The following PAK2 variants were observed in gnomAD, a reference collection of about 807,000 sequenced individuals.
PAK2 encodes the protein serine/threonine-protein kinase PAK 2.
In PAK2, 21 loss-of-function variants were observed where a neutral mutation model predicts 65.9. That is an observed-to-expected ratio of 0.32 (90% confidence interval 0.23 to 0.46). The LOEUF (loss-of-function observed/expected upper bound fraction) is 0.46. PAK2 is among the 20% of genes least tolerant of loss of function. The probability of loss-of-function intolerance (pLI) is 1.00; values close to 1 mark genes in which losing one functional copy is unlikely to be tolerated. For synonymous variants in PAK2, 204 were observed against 219.7 expected (o/e 0.93, Z 0.63); for missense variants, 324 against 642.6 (o/e 0.50, Z 5.36).
At position 196,748,427 on chromosome 3, in the gene PAK2, C is replaced by T. The variant is rs1230124846; in HGVS notation, c.-22+8270C>T. Among the ~76,000 whole-genome samples, 3 of 152,170 alleles carry T rather than the reference C, an allele frequency of 2.0e-5. No individual in the cohort carries two copies. The East Asian group carries it at 5.8e-4, about 29-fold the overall frequency. On this transcript the variant is annotated intron_variant, in intron 1 of 14. Transcript: ENST00000327134. Reference sequence around the variant, plus strand: ...TTGACAAATGTATAACAACATGTCTCCACCAGTATCATACCGACTGGTTTC... The same window carrying T: ...TTGACAAATGTATAACAACATGTCTTCACCAGTATCATACCGACTGGTTTC...
At chr3:196,788,197 C>T (rs1278999472) in intron 2 of PAK2, among the ~76,000 whole-genome samples, 1 of 152,198 alleles carries the variant, frequency 6.6e-6, no homozygotes, top group Non-Finnish European at 1.5e-5. Flanking sequence ...TCAGTATGTG[C>T]TCAGTACATC....
chr3:196,777,253 G>T (rs564744057), intron 1 of PAK2, among the ~76,000 whole-genome samples: 1 of 152,098 alleles, frequency 6.6e-6, no homozygotes, highest in Non-Finnish European at 1.5e-5. Context: ...ACCCAGGCTG[G>T]AGTGCAGTGG....
chr3:196,788,332 A>G (rs757016090), intron 2 of PAK2, among the ~76,000 whole-genome samples: 9 of 152,162 alleles, frequency 5.9e-5, no homozygotes, highest in African/African-American at 1.9e-4. Context: ...ATTTTATTCC[A>G]CTAAAAAATT....
At chr3:196,770,943 T>C (rs1004717713) in intron 1 of PAK2, among the ~76,000 whole-genome samples, 2 of 151,990 alleles carry the variant, frequency 1.3e-5, no homozygotes, top group African/African-American at 4.8e-5. Context: ...ATATATAGTC[T>C]TTAAATCTCC....
intron 1 of PAK2, among the ~76,000 whole-genome samples, chr3:196,770,893 G>T (rs1427550943): frequency 6.6e-6 from 1 of 151,954 alleles, no homozygotes; most frequent in Admixed American, 6.6e-5. Flanking sequence ...AAAGTGCTGG[G>T]ATTACAGGCA....
chr3:196,792,508 A>G (rs1483614271), intron 2 of PAK2, among the ~76,000 whole-genome samples: 1 of 152,154 alleles, frequency 6.6e-6, no homozygotes, highest in Non-Finnish European at 1.5e-5. Flanking sequence ...CACTGTGACC[A>G]GATCTCTTTT....
intron 1 of PAK2, among the ~76,000 whole-genome samples, chr3:196,757,619 C>T (rs1399897530): frequency 2.6e-5 from 4 of 151,966 alleles, no homozygotes; most frequent in Non-Finnish European, 5.9e-5. Context: ...CTCAAATTTC[C>T]AGGCGCTTCC....
intron 13 of PAK2, among the ~76,000 whole-genome samples, chr3:196,824,444 A>G (rs565170670): frequency 5.9e-5 from 9 of 152,218 alleles, no homozygotes; most frequent in African/African-American, 9.6e-5. Flanking sequence ...CATTAAAACA[A>G]TCTCACGACT....
chr3:196,824,799 A>G (rs1055615219), intron 13 of PAK2, among the ~76,000 whole-genome samples: 3 of 151,804 alleles, frequency 2.0e-5, no homozygotes, highest in Non-Finnish European at 4.4e-5. Flanking sequence ...TGGGCAACAT[A>G]TCGAGAATGC....
At chr3:196,789,809 A>C (rs1012375449) in intron 2 of PAK2, among the ~76,000 whole-genome samples, 1 of 152,168 alleles carries the variant, frequency 6.6e-6, no homozygotes, top group Admixed American at 6.5e-5. Flanking sequence ...TGGTTTCGGT[A>C]TGAAACTCTT....
At chr3:196,817,042 T>C (rs1271436002) in intron 11 of PAK2, among the ~76,000 whole-genome samples, 1 of 152,096 alleles carries the variant, frequency 6.6e-6, no homozygotes, top group African/African-American at 2.4e-5. Flanking sequence ...GAGTATCTCA[T>C]GTTCAAATGG....
Position 196,756,374 on chromosome 3 carries a change from C to T in PAK2, c.-22+16217C>T, listed in dbSNP as rs1390178700. On this transcript the variant is annotated intron_variant, in intron 1 of 14. Coordinates refer to ENST00000327134, the MANE Select transcript of PAK2 (RefSeq NM_002577.4). ...TCTGGGTTTTTTTTGCCTAATTACT[C>T]TCATCTAAACAGGAGCTCCGGGTCC... Among the ~76,000 whole-genome samples, 4 of 152,226 alleles carry T rather than the reference C, an allele frequency of 2.6e-5. No individual in the cohort carries two copies. In the East Asian group the frequency reaches 5.8e-4, roughly 22 times the overall value.
chr3:196,809,889 T>C (rs1467714096), intron 7 of PAK2, among the ~76,000 whole-genome samples: 1 of 152,078 alleles, frequency 6.6e-6, no homozygotes, highest in African/African-American at 2.4e-5. Context: ...GTGGTTTTTC[T>C]TACTAGTAAT....
chr3:196,818,452 C>T (rs778295053), intron 12 of PAK2, among the ~76,000 whole-genome samples: 3 of 152,210 alleles, frequency 2.0e-5, no homozygotes, highest in East Asian at 1.9e-4. Flanking sequence ...GTGCAACCTC[C>T]GCCTCCTGGG....
chr3:196,754,611 C>G (rs914711377), intron 1 of PAK2, among the ~76,000 whole-genome samples: 1 of 152,122 alleles, frequency 6.6e-6, no homozygotes, highest in Non-Finnish European at 1.5e-5. Flanking sequence ...GCTGCTGTTA[C>G]AGGTTTTCTG....
intron 1 of PAK2, among the ~76,000 whole-genome samples, chr3:196,779,753 C>T (rs1293813918): frequency 6.6e-6 from 1 of 152,212 alleles, no homozygotes; most frequent in Non-Finnish European, 1.5e-5. Flanking sequence ...GCTCTGCAAC[C>T]TCTGCCTCCC....
intron 2 of PAK2, among the ~76,000 whole-genome samples, chr3:196,787,428 A>C (rs1041950563): frequency 1.3e-5 from 2 of 151,854 alleles, no homozygotes; most frequent in African/African-American, 4.8e-5. Context: ...AAAATACAAA[A>C]ATTAGCCAGG....
At chr3:196,804,100 G>A (rs1204433702) in intron 4 of PAK2, among the ~76,000 whole-genome samples, 1 of 152,088 alleles carries the variant, frequency 6.6e-6, no homozygotes, top group Non-Finnish European at 1.5e-5. Flanking sequence ...TCCTCAGGAT[G>A]TCATTTTTCA....
chr3:196,761,969 C>T (rs1400575289), intron 1 of PAK2, among the ~76,000 whole-genome samples: 3 of 129,552 alleles, frequency 2.3e-5, no homozygotes, highest in African/African-American at 8.7e-5. Context: ...AGGGGCTCCT[C>T]ACTTCTCAGA....
Sources: gnomAD v4.1 joint callset for allele counts (sites outside exome capture counted in the v4.1 genomes callset) on GRCh38, gnomAD v4.1.1 for gene constraint, MANE v1.5 for transcripts, NCBI Gene and HGNC (gene_info 2026-07-23, HGNC 2026-07-21) for gene names.